GLIS3: variants seen among roughly 807,000 people sequenced by gnomAD.
GLIS3 encodes the protein GLIS family zinc finger 3, also known as zinc finger protein GLIS3.
Under a neutral mutation model 78.6 loss-of-function variants are expected in GLIS3, and 53 were observed. The ratio of observed to expected loss-of-function variants is 0.67; its 90% confidence interval spans 0.54 to 0.85. The LOEUF is 0.85. Ranked by LOEUF, GLIS3 falls within the 40% of genes least tolerant of loss-of-function variation. The pLI, the probability that GLIS3 is intolerant of heterozygous loss-of-function variation, is 0.00. For synonymous variants in GLIS3, 684 were observed against 509.9 expected (o/e 1.34, Z -4.60); for missense variants, 1,703 against 1,231.1 (o/e 1.38, Z -5.74).
intron 4 of GLIS3, among the ~76,000 whole-genome samples, chr9:4,076,266 T>G (rs1828046044): frequency 6.6e-6 from 1 of 152,156 alleles, no homozygotes; most frequent in African/African-American, 2.4e-5. Context: ...TTTTAAATGA[T>G]TATAAATTTA....
chr9:4,194,573 G>A (rs1367584978), intron 2 of GLIS3, among the ~76,000 whole-genome samples: 4 of 152,178 alleles, frequency 2.6e-5, no homozygotes, highest in Non-Finnish European at 4.4e-5. Flanking sequence ...GCATAAAGAT[G>A]AACTCTGTGA....
At chr9:4,222,677 TA>T (rs1453852907) in intron 2 of GLIS3, among the ~76,000 whole-genome samples, 1 of 152,190 alleles carries the variant, frequency 6.6e-6, no homozygotes, top group African/African-American at 2.4e-5. Context: ...AGTGCTACTG[TA>T]AGAGGAAGAA....
At chr9:4,411,366 C>T in the GLIS3 span, among the ~76,000 whole-genome samples, 1 of 152,162 alleles carries the variant, frequency 6.6e-6, no homozygotes, top group African/African-American at 2.4e-5. Flanking sequence ...GAAATACAAC[C>T]TCAGGCACAA....
At chr9:4,417,868 C>G in the GLIS3 span, among the ~76,000 whole-genome samples, 17 of 152,218 alleles carry the variant, frequency 1.1e-4, no homozygotes, top group African/African-American at 4.1e-4. Flanking sequence ...TTCTCCAAAT[C>G]AAGTTTATTT....
At chr9:4,216,219 T>C (rs1820816875) in intron 2 of GLIS3, among the ~76,000 whole-genome samples, 1 of 151,934 alleles carries the variant, frequency 6.6e-6, no homozygotes, top group Non-Finnish European at 1.5e-5. Context: ...ACACCTGTAA[T>C]CCCAGCACTT....
chr9:4,356,017 T>G, the GLIS3 span, among the ~76,000 whole-genome samples: 5 of 152,086 alleles, frequency 3.3e-5, no homozygotes, highest in African/African-American at 4.8e-5. Context: ...TATACATCAG[T>G]AAAATTAGTT....
At chr9:4,412,947 C>G in the GLIS3 span, among the ~76,000 whole-genome samples, 11 of 152,100 alleles carry the variant, frequency 7.2e-5, no homozygotes, top group African/African-American at 2.2e-4. Context: ...CCAGGGTGAC[C>G]ACGTGGAGCA....
intron 4 of GLIS3, among the ~76,000 whole-genome samples, chr9:4,017,704 A>G (rs186969213): frequency 2.6e-5 from 4 of 152,316 alleles, no homozygotes; most frequent in Admixed American, 2.6e-4. Flanking sequence ...ATAGCCTGGT[A>G]TCAGAGTGTT....
intron 7 of GLIS3, among the ~76,000 whole-genome samples, chr9:3,884,899 G>A (rs1318877089): frequency 1.3e-5 from 2 of 152,052 alleles, no homozygotes; most frequent in East Asian, 3.9e-4. Flanking sequence ...GTTGTGTCAG[G>A]GCCCCTGAAC....
intron 2 of GLIS3, among the ~76,000 whole-genome samples, chr9:4,146,251 C>G (rs1834215886): frequency 6.6e-6 from 1 of 152,106 alleles, no homozygotes; most frequent in South Asian, 2.1e-4. Context: ...AGGGGGGACA[C>G]CTTACTAACT....
chr9:3,933,975 T>C (rs775378189), intron 5 of GLIS3, among the ~76,000 whole-genome samples: 23 of 152,200 alleles, frequency 1.5e-4, no homozygotes, highest in Non-Finnish European at 2.2e-4. Context: ...GTTTGACTGG[T>C]TGGTTGAATC....
At chr9:3,854,697 T>C (rs1819649990) in intron 9 of GLIS3, among the ~76,000 whole-genome samples, 1 of 83,262 alleles carries the variant, frequency 1.2e-5, no homozygotes, top group South Asian at 5.4e-4. Flanking sequence ...CCGTCACGCC[T>C]GGCTAATTTT....
the GLIS3 span, chr9:4,490,296 C>T: frequency 6.1e-6 from 1 of 164,804 alleles, no homozygotes; most frequent in Non-Finnish European, 1.3e-5. Context: ...GCCGCCCCAG[C>T]TCCTGCCGCA....
At chr9:4,104,970 A>C (rs1399776199) in intron 4 of GLIS3, among the ~76,000 whole-genome samples, 1 of 152,198 alleles carries the variant, frequency 6.6e-6, no homozygotes, top group Non-Finnish European at 1.5e-5. Context: ...TTTGCACCTG[A>C]AAGTCACATT....
At chr9:4,290,667 G>A (rs1350462324) in intron 1 of GLIS3, among the ~76,000 whole-genome samples, 1 of 152,118 alleles carries the variant, frequency 6.6e-6, no homozygotes, top group Admixed American at 6.6e-5. Context: ...TAAGCAGAAT[G>A]TCCCTTGTCC....
chr9:4,294,012 C>G (rs1056475386), intron 1 of GLIS3, among the ~76,000 whole-genome samples: 2 of 152,180 alleles, frequency 1.3e-5, no homozygotes, highest in East Asian at 3.9e-4. Flanking sequence ...TCTGTTAATT[C>G]TACAAACCGC....
intron 8 of GLIS3, among the ~76,000 whole-genome samples, chr9:3,872,673 C>A (rs1253957882): frequency 6.6e-6 from 1 of 152,166 alleles, no homozygotes; most frequent in East Asian, 1.9e-4. Context: ...ACAGATCCCT[C>A]CCACAACACG....
At chr9:4,020,236 C>T (rs1822770122) in intron 4 of GLIS3, among the ~76,000 whole-genome samples, 1 of 151,976 alleles carries the variant, frequency 6.6e-6, no homozygotes, top group African/African-American at 2.4e-5. Flanking sequence ...GAACAGCTGC[C>T]CTTGTGGTAG....
At chr9:3,907,600 C>CACACACACACA (rs1563836806) in intron 6 of GLIS3, among the ~76,000 whole-genome samples, 38 of 120,394 alleles carry the variant, frequency 3.2e-4, no homozygotes, top group East Asian at 1.3e-3. Context: ...ATCCTCCACC[C>CACACACACACA]CCCAAACACA....
Sources: allele counts gnomAD v4.1 joint callset (sites outside exome capture counted in the v4.1 genomes callset), GRCh38; gene constraint gnomAD v4.1.1; transcripts MANE v1.5; gene names NCBI Gene and HGNC (gene_info 2026-07-23, HGNC 2026-07-21).